PTPN3: variants seen among roughly 807,000 people sequenced by gnomAD.
The protein encoded by PTPN3 is protein tyrosine phosphatase non-receptor type 3.
In PTPN3, 96 loss-of-function variants were observed where a neutral mutation model predicts 132.7. That is an observed-to-expected ratio of 0.72 (90% CI 0.61 to 0.86). PTPN3 has a LOEUF of 0.86. Ranked by LOEUF, PTPN3 falls within the 40% of genes least tolerant of loss-of-function variation. The probability of loss-of-function intolerance (pLI) is 0.00; values close to 1 mark genes in which losing one functional copy is unlikely to be tolerated. For missense variants in PTPN3, 1,125 were observed against 1,159.6 expected, an observed-to-expected ratio of 0.97 and a Z score of 0.43; for synonymous variants, 398 against 429.0, an observed-to-expected ratio of 0.93 and a Z score of 0.89.
chr9:109,412,377 ATTT>A (rs60379815), intron 14 of PTPN3, among the ~76,000 whole-genome samples: 1 of 142,642 alleles, frequency 7.0e-6, no homozygotes, highest in Admixed American at 7.0e-5. Flanking sequence ...ACTAATTTTA[ATTT>A]TTTTTTTTTT....
Position 109,379,365 on chromosome 9 carries a change from A to G in PTPN3, c.*191T>C, listed in dbSNP as rs1434301654. 6.8e-6 allele frequency: 4 copies of G among 588,548 alleles called. No individual in the cohort carries two copies. Among genetic ancestry groups the G allele is most frequent in the East Asian group, 2.8e-5 (1 of 35,402 alleles). The allele number at this position is 588,548 out of a possible 1,614,324, so 36.5% of individuals were successfully genotyped here. Reference sequence around the variant, plus strand: ...AAATACAGGCCTAAATGATGCCATAATTGCATGCTTATCTACACCAGTTCC... The same window carrying G: ...AAATACAGGCCTAAATGATGCCATAGTTGCATGCTTATCTACACCAGTTCC... On this transcript the variant is annotated 3_prime_UTR_variant, in exon 26 of 26. Transcript: ENST00000374541.
chr9:109,527,567 T>C, the PTPN3 span, among the ~76,000 whole-genome samples: 24 of 152,198 alleles, frequency 1.6e-4, no homozygotes, highest in Non-Finnish European at 2.8e-4. Flanking sequence ...AGTAGGGAAG[T>C]TATAGTTAAC....
chr9:109,401,370 G>C (rs560882586), intron 19 of PTPN3, among the ~76,000 whole-genome samples: 25 of 152,300 alleles, frequency 1.6e-4, no homozygotes, highest in Admixed American at 1.4e-3. Context: ...GCTGTGGGCG[G>C]GGCCTTGATT....
At chr9:109,391,744 T>C (rs1840120936) in intron 19 of PTPN3, among the ~76,000 whole-genome samples, 183 bp from the exon 20 acceptor site, 1 of 55,114 alleles carries the variant, frequency 1.8e-5, no homozygotes, top group Admixed American at 2.0e-4. Context: ...CTAAACTCTT[T>C]AATAATTTTT....
the PTPN3 span, among the ~76,000 whole-genome samples, chr9:109,529,955 C>G: frequency 6.6e-6 from 1 of 152,130 alleles, no homozygotes; most frequent in Non-Finnish European, 1.5e-5. Context: ...CACTATGTTG[C>G]TCAGGCTGGT....
At chr9:109,433,323 A>T (rs1374670171) in intron 9 of PTPN3, among the ~76,000 whole-genome samples, 162 bp from the exon 10 acceptor site, 4 of 152,228 alleles carry the variant, frequency 2.6e-5, no homozygotes, top group Admixed American at 6.5e-5. Context: ...CGGATACTTA[A>T]GATCGAAGTA....
chr9:109,410,373 C>G lies in PTPN3; in HGVS notation c.1356G>C (p.Gln452His). ...ATGGAGACACAGAACTGGATGACTTCTGGGTCAGGTAGCTTTGTGCCGGAT... is the reference window on the plus strand; with the variant it reads ...ATGGAGACACAGAACTGGATGACTTGTGGGTCAGGTAGCTTTGTGCCGGAT... ...ENNPAQSYLT[Q>H]KSSSSVSPSS... The change falls in exon 15 of 26, where the codon CAG becomes CAC. Residue 452 changes from glutamine (Q) to histidine (H), a missense_variant. Transcript: ENST00000374541. 6.2e-7 allele frequency: 1 copy of G among 1,614,170 alleles called. No homozygotes were observed. Among genetic ancestry groups the G allele is most frequent in the Non-Finnish European group, 8.5e-7 (1 of 1,180,026 alleles).
intron 1 of PTPN3, among the ~76,000 whole-genome samples, chr9:109,466,732 A>G (rs1846117799): frequency 6.6e-6 from 1 of 152,208 alleles, no homozygotes; most frequent in East Asian, 1.9e-4. Flanking sequence ...GTAGCGCCTA[A>G]TGTCAGGGCA....
the PTPN3 span, among the ~76,000 whole-genome samples, chr9:109,507,612 C>T: frequency 3.3e-5 from 5 of 152,230 alleles, no homozygotes; most frequent in East Asian, 3.8e-4. Context: ...ACAGTCCAAA[C>T]GGACTGTCCA....
intron 18 of PTPN3, among the ~76,000 whole-genome samples, chr9:109,405,987 C>T (rs1188913561): frequency 1.3e-5 from 2 of 152,198 alleles, no homozygotes; most frequent in Non-Finnish European, 2.9e-5. Flanking sequence ...TATGTAACCC[C>T]TGCAAGGTCC....
At chr9:109,457,098 G>A (rs1845604472) in intron 4 of PTPN3, 75 bp downstream of exon 4, 1 of 1,488,900 alleles carries the variant, frequency 6.7e-7, no homozygotes, top group African/African-American at 1.4e-5. Flanking sequence ...CACAGGCACT[G>A]ACGATTGGAG....
At chr9:109,402,665 G>A (rs1841239788) in intron 19 of PTPN3, among the ~76,000 whole-genome samples, 1 of 152,184 alleles carries the variant, frequency 6.6e-6, no homozygotes, top group South Asian at 2.1e-4. Flanking sequence ...AGAATACTCA[G>A]TAATATATCT....
At chr9:109,421,074 G>C (rs137975102) in intron 13 of PTPN3, among the ~76,000 whole-genome samples, 29 of 152,306 alleles carry the variant, frequency 1.9e-4, no homozygotes, top group African/African-American at 3.1e-4. Context: ...AATTTCACTT[G>C]ATCCAAGAGA....
intron 1 of PTPN3, among the ~76,000 whole-genome samples, chr9:109,490,703 C>T (rs964784274): frequency 6.6e-6 from 1 of 151,966 alleles, no homozygotes; most frequent in African/African-American, 2.4e-5. Flanking sequence ...TGAGCCACTG[C>T]ACTCCAGCCT....
At chr9:109,500,767 C>A (rs748928897), upstream of PTPN3, among the ~76,000 whole-genome samples, 4 of 150,206 alleles carry the variant, frequency 2.7e-5, no homozygotes, top group Non-Finnish European at 3.0e-5. Flanking sequence ...CCCATCTTTA[C>A]AAAAAAAAAC....
At chr9:109,419,346 C>T (rs1202165329) in intron 14 of PTPN3, among the ~76,000 whole-genome samples, 1 of 152,172 alleles carries the variant, frequency 6.6e-6, no homozygotes, top group African/African-American at 2.4e-5. Flanking sequence ...ATGCTTTCAG[C>T]CTAATAGCTA....
intron 10 of PTPN3, among the ~76,000 whole-genome samples, chr9:109,432,219 C>T (rs538930116): frequency 6.6e-6 from 1 of 151,750 alleles, no homozygotes; most frequent in African/African-American, 2.4e-5. Context: ...TAATGAAATT[C>T]TATGCTCCCA....
intron 17 of PTPN3, among the ~76,000 whole-genome samples, chr9:109,407,871 A>G (rs924581447): frequency 4.6e-5 from 7 of 152,198 alleles, no homozygotes; most frequent in African/African-American, 1.7e-4. Flanking sequence ...ATAAATTTGA[A>G]AGAAAAACAA....
rs536579867 is a variant in PTPN3, at chr9:109,471,271, T to C, written c.-17-7820A>G. On this transcript the variant is annotated intron_variant, in intron 1 of 25. Transcript: ENST00000374541. ...AGTGTTTCACCATGTTGGCCTAGGC[T>C]GGTCTTGAACTCCTGACCTCAGGTG... Among the ~76,000 whole-genome samples the C allele has an allele frequency of 6.8e-4, 104 of 152,334 alleles. 1 individual carries two copies. The highest frequency in any genetic ancestry group is 2.5e-3 in the African/African-American group (103 of 41,584).
Sources: allele counts gnomAD v4.1 joint callset (sites outside exome capture counted in the v4.1 genomes callset), GRCh38; gene constraint gnomAD v4.1.1; transcripts MANE v1.5; gene names NCBI Gene and HGNC (gene_info 2026-07-23, HGNC 2026-07-21).